Variants in IPO5 observed in about 807,000 individuals in gnomAD.
The protein encoded by IPO5 is importin 5.
IPO5 carries 18 observed loss-of-function variants against 143.3 expected under a neutral mutation model. The ratio of observed to expected loss-of-function variants is 0.13; its 90% CI spans 0.09 to 0.19. The LOEUF is 0.19. Ranked by LOEUF, IPO5 falls within the 10% of genes least tolerant of loss-of-function variation. IPO5 has a pLI of 1.00. For synonymous variants in IPO5, 477 were observed against 465.7 expected, an observed-to-expected ratio of 1.02 and a Z score of -0.31; for missense variants, 1,013 against 1,336.9, an observed-to-expected ratio of 0.76 and a Z score of 3.78.
At chr13:97,981,160 A>G (rs972113245) in intron 4 of IPO5, 4 of 426,118 alleles carry the variant, frequency 9.4e-6, no homozygotes, top group South Asian at 1.7e-5. Flanking sequence ...TTAAGATCCT[A>G]TGTGCTTTTT....
Position 97,969,727 on chromosome 13 carries a change from G to C in IPO5, c.-108G>C, listed in dbSNP as rs763913142. ...ATTCTGTTTCTGTCAAATCAGCAGA[G>C]GAAAGAAATTCCTAAGGGAACACTG... On this transcript the variant is annotated 5_prime_UTR_variant, in exon 3 of 29. Coordinates refer to ENST00000651721, the MANE Select transcript of IPO5 (RefSeq NM_002271.6). 1 of 1,392,002 alleles carries C rather than the reference G, an allele frequency of 7.2e-7. No individual in the cohort carries two copies. Among genetic ancestry groups the C allele is most frequent in the African/African-American group, 1.4e-5 (1 of 70,334 alleles). 86.2% of individuals were successfully genotyped at this position (1,392,002 alleles called of 1,614,324 possible).
chr13:97,985,732 T>G (rs562192612), intron 6 of IPO5, 119 bp downstream of exon 6: 2 of 699,580 alleles, frequency 2.9e-6, no homozygotes, highest in Non-Finnish European at 2.4e-6. Context: ...TTATTCTGTT[T>G]AAAATGAATG....
In IPO5 at chr13:98,020,534, C is replaced by T. The variant is rs867596119; in HGVS notation, c.3066-458C>T. Among the ~76,000 whole-genome samples, 5 of 152,158 alleles carry T rather than the reference C, an allele frequency of 3.3e-5. 1 individual carries two copies. The highest frequency in any genetic ancestry group is 1.2e-4 in the African/African-American group (5 of 41,438). On this transcript the variant is annotated intron_variant, in intron 27 of 28. Transcript: ENST00000651721. ...GCTATTTGATCATCTTCCTTGGAAA[C>T]GACTACTCTGAAATTCTCTTAGTGA...
intron 6 of IPO5, among the ~76,000 whole-genome samples, chr13:97,986,046 T>C (rs2139664897): frequency 6.6e-6 from 1 of 152,024 alleles, no homozygotes; most frequent in African/African-American, 2.4e-5. Flanking sequence ...CCCCAGAAGC[T>C]GGAGACTACA....
intron 17 of IPO5, chr13:98,007,331 A>C (rs1294855989): frequency 6.6e-6 from 1 of 152,186 alleles, no homozygotes; most frequent in Non-Finnish European, 1.5e-5. Context: ...AAATGCATCA[A>C]GTGTTCTAAG....
intron 11 of IPO5, among the ~76,000 whole-genome samples, chr13:97,995,757 A>AAATAAT (rs796361663): frequency 6.6e-6 from 1 of 151,616 alleles, no homozygotes; most frequent in African/African-American, 2.4e-5. Flanking sequence ...TCTGTCTCAA[A>AAATAAT]AATAATAATA....
chr13:97,964,435 A>ATTTC (rs1442765861), intron 2 of IPO5, among the ~76,000 whole-genome samples: 5 of 136,026 alleles, frequency 3.7e-5, no homozygotes, highest in African/African-American at 8.2e-5. Context: ...TCCCAGCACC[A>ATTTC]TTTCTTTCTT....
Position 97,989,211 on chromosome 13 carries a change from C to G in IPO5, c.467+47C>G, listed in dbSNP as rs373747504. ...TTTGAGACATTTGATTTAATGAATGCCCTAAACACCTTTTAACTGATTATT... is the reference window on the plus strand; with the variant it reads ...TTTGAGACATTTGATTTAATGAATGGCCTAAACACCTTTTAACTGATTATT... On this transcript the variant is annotated intron_variant, in intron 7 of 28. Transcript: ENST00000651721. 3.7e-5 allele frequency: 37 copies of G among 986,754 alleles called. No individual in the cohort carries two copies. The Admixed American group carries it at 4.7e-4, about 13-fold the overall frequency. 61.1% of individuals were successfully genotyped at this position (986,754 alleles called of 1,614,324 possible). A position where few individuals can be genotyped will look rare whatever the true frequency, so the allele number is the denominator to read the frequency against.
At position 97,976,693 on chromosome 13, in the gene IPO5, C is replaced by G. The variant is rs1886369076; in HGVS notation, c.-4C>G. ...CTCCCTCCTTCTCTCTCACGCCTAG[C>G]GCAATGGCGGCGGCCGCGGCGGAGC... is the stretch of plus-strand genomic sequence containing the variant. On this transcript the variant is annotated splice_region_variant and 5_prime_UTR_variant, in exon 4 of 29. Coordinates refer to ENST00000651721, the MANE Select transcript of IPO5 (RefSeq NM_002271.6). 7.3e-7 allele frequency: 1 copy of G among 1,371,036 alleles called. No homozygotes were observed. Among genetic ancestry groups the G allele is most frequent in the Non-Finnish European group, 9.7e-7 (1 of 1,032,432 alleles). The allele number at this position is 1,371,036 out of a possible 1,614,324, so 84.9% of individuals were successfully genotyped here.
intron 17 of IPO5, among the ~76,000 whole-genome samples, chr13:98,006,644 G>T (rs1377379370): frequency 1.3e-5 from 2 of 151,898 alleles, no homozygotes; most frequent in African/African-American, 4.8e-5. Flanking sequence ...AGAGTGCTGG[G>T]ATTACAGGCG....
chr13:97,987,452 G>A (rs1262133662), intron 6 of IPO5, among the ~76,000 whole-genome samples: 1 of 152,118 alleles, frequency 6.6e-6, no homozygotes, highest in African/African-American at 2.4e-5. Flanking sequence ...CTAGCAGATT[G>A]TATCCTTTCT....
intron 20 of IPO5, among the ~76,000 whole-genome samples, chr13:98,010,779 C>CTTTTTTTTTTTTTTTTTTTT (rs1219765693): frequency 1.8e-5 from 1 of 55,034 alleles, no homozygotes; most frequent in African/African-American, 1.6e-4. Context: ...GAAGGATAAT[C>CTTTTTTTTTTTTTTTTTTTT]CTTTTTTTTT....
intron 20 of IPO5, among the ~76,000 whole-genome samples, chr13:98,010,655 T>C (rs777824161): frequency 9.2e-5 from 14 of 152,148 alleles, no homozygotes; most frequent in Admixed American, 2.6e-4. Context: ...AAAACAGATA[T>C]GGCAGGAAAA....
In IPO5 at chr13:97,985,410, T is replaced by C. The variant is rs192717503; in HGVS notation, c.172-11T>C. 195 of 1,597,648 alleles carry C rather than the reference T, an allele frequency of 1.2e-4. No homozygotes were observed. The highest frequency in any genetic ancestry group is 3.1e-4 in the South Asian group (28 of 90,540). The stretch of plus-strand genomic sequence containing the variant: ...GTGAATCTAGTTATTAACAATGTTA[T>C]CTGTTTATAGGCTAGACAAATGGCC... On this transcript the variant is annotated splice_polypyrimidine_tract_variant and intron_variant, in intron 5 of 28. Transcript: ENST00000651721.
intron 4 of IPO5, among the ~76,000 whole-genome samples, chr13:97,979,352 T>G (rs1162243785): frequency 1.3e-5 from 2 of 152,212 alleles, no homozygotes. Context: ...ACGTCAAAAC[T>G]CTAAAAAGTT....
chr13:98,021,082 A>G lies in IPO5; in HGVS notation c.3156A>G (p.Lys1052=). Residue 1052 remains lysine (K), a synonymous_variant, in exon 28 of 29, where the codon AAA becomes AAG. Transcript: ENST00000651721. ...IAEGEMHEAI[K]HEDPCAKRLA... is the part of the protein sequence containing the mutation. ...AAGGAGAAATGCACGAGGCAATTAA[A>G]CATGAAGATCCTTGTGCCAAACGTC... The G allele has an allele frequency of 6.2e-7, 1 of 1,611,648 alleles. No individual in the cohort carries two copies. The highest frequency in any genetic ancestry group is 8.5e-7 in the Non-Finnish European group (1 of 1,179,238).
Position 97,992,808 on chromosome 13 carries a change from T to C in IPO5, c.670-84T>C. ...AAAATAGTTTAGTAATATTTCTCTA[T>C]TGTCAGCATCTTAGGAATCTTTTGG... is the stretch of plus-strand genomic sequence containing the variant. On this transcript the variant is annotated intron_variant, in intron 9 of 28. Transcript: ENST00000651721. 10 of 1,345,986 alleles carry C rather than the reference T, an allele frequency of 7.4e-6. No individual in the cohort carries two copies. In the South Asian group the frequency reaches 9.7e-5, roughly 13 times the overall value. The allele number at this position is 1,345,986 out of a possible 1,614,324, so 83.4% of individuals were successfully genotyped here.
At chr13:97,977,798 T>C (rs1029922861) in intron 4 of IPO5, among the ~76,000 whole-genome samples, 2 of 152,210 alleles carry the variant, frequency 1.3e-5, no homozygotes, top group African/African-American at 4.8e-5. Flanking sequence ...ACCGCCAAAC[T>C]TGGTTATATA....
intron 9 of IPO5, among the ~76,000 whole-genome samples, chr13:97,991,105 C>A (rs900174345): frequency 6.6e-6 from 1 of 152,174 alleles, no homozygotes; most frequent in East Asian, 1.9e-4. Context: ...GTTAGTGGTT[C>A]CCAACCTTGT....
Sources: gnomAD v4.1 joint callset for allele counts (sites outside exome capture counted in the v4.1 genomes callset) on GRCh38, gnomAD v4.1.1 for gene constraint, MANE v1.5 for transcripts, NCBI Gene and HGNC (gene_info 2026-07-23, HGNC 2026-07-21) for gene names.